Variants in PDGFC observed in about 807,000 individuals in gnomAD.
PDGFC encodes the protein platelet derived growth factor C, also known as platelet-derived growth factor C.
Under a neutral mutation model 35.5 loss-of-function variants are expected in PDGFC, and 12 were observed. That is an observed-to-expected ratio of 0.34 (90% CI 0.22 to 0.55). The LOEUF (loss-of-function observed/expected upper bound fraction) is 0.55, where lower values mean the gene tolerates loss of function less well. Ranked by LOEUF, PDGFC falls within the 20% of genes least tolerant of loss-of-function variation. The pLI, the probability that PDGFC is intolerant of heterozygous loss-of-function variation, is 0.91. For missense variants in PDGFC, 322 were observed against 412.4 expected, an observed-to-expected ratio of 0.78 and a Z score of 1.90; for synonymous variants, 159 against 148.8, an observed-to-expected ratio of 1.07 and a Z score of -0.50.
intron 2 of PDGFC, among the ~76,000 whole-genome samples, chr4:156,814,346 A>C (rs1028266145): frequency 6.6e-6 from 1 of 152,158 alleles, no homozygotes; most frequent in African/African-American, 2.4e-5. Flanking sequence ...GAGAAGGAGC[A>C]GTCAGGGAAA....
intron 2 of PDGFC, among the ~76,000 whole-genome samples, chr4:156,822,453 A>G (rs759747570): frequency 6.6e-6 from 1 of 152,100 alleles, no homozygotes; most frequent in African/African-American, 2.4e-5. Flanking sequence ...TGTATGAGGA[A>G]GCACATACAA....
chr4:156,871,765 T>A (rs1424376664), intron 1 of PDGFC, among the ~76,000 whole-genome samples: 1 of 152,068 alleles, frequency 6.6e-6, no homozygotes, highest in Non-Finnish European at 1.5e-5. Context: ...ATTGAGTCTA[T>A]GGATGACTTA....
chr4:156,781,589 C>G (rs1730980914), intron 3 of PDGFC, among the ~76,000 whole-genome samples: 1 of 152,128 alleles, frequency 6.6e-6, no homozygotes, highest in African/African-American at 2.4e-5. Context: ...ACCTGCCATT[C>G]ATCCCTCCCA....
chr4:156,816,623 A>G (rs189363970), intron 2 of PDGFC, among the ~76,000 whole-genome samples: 6 of 152,312 alleles, frequency 3.9e-5, no homozygotes, highest in African/African-American at 9.6e-5. Flanking sequence ...TAGTTACAAA[A>G]TATAGAAAAG....
chr4:156,921,764 C>A lies in PDGFC; in HGVS notation c.118+49022G>T, dbSNP rs1731287793. ...TTGTATAAACGAAGAAAAGTGATGT[C>A]CAAACAAACACAGATAACTGTTTCT... On this transcript the variant is annotated intron_variant, in intron 1 of 5. Coordinates refer to ENST00000502773, the MANE Select transcript of PDGFC (RefSeq NM_016205.3). Among the ~76,000 whole-genome samples, 11 of 152,156 alleles carry A rather than the reference C, an allele frequency of 7.2e-5. No individual in the cohort carries two copies. The South Asian group carries it at 2.3e-3, about 32-fold the overall frequency.
At chr4:156,893,574 T>G (rs544729863) in intron 1 of PDGFC, among the ~76,000 whole-genome samples, 2 of 151,916 alleles carry the variant, frequency 1.3e-5, no homozygotes, top group South Asian at 4.2e-4. Flanking sequence ...TGGCCTCGAG[T>G]GATCCTCCTA....
At chr4:156,787,284 C>T (rs763202085) in intron 3 of PDGFC, among the ~76,000 whole-genome samples, 28 of 152,084 alleles carry the variant, frequency 1.8e-4, no homozygotes, top group Non-Finnish European at 3.1e-4. Context: ...GATCTGGATA[C>T]CAGTGTCAAA....
At chr4:156,936,111 T>C (rs1251250482) in intron 1 of PDGFC, among the ~76,000 whole-genome samples, 4 of 152,216 alleles carry the variant, frequency 2.6e-5, no homozygotes, top group Non-Finnish European at 5.9e-5. Context: ...CAGAAAATAC[T>C]AAAAACACCT....
intron 2 of PDGFC, among the ~76,000 whole-genome samples, chr4:156,835,000 A>G (rs1729029299): frequency 6.6e-6 from 1 of 152,152 alleles, no homozygotes; most frequent in Non-Finnish European, 1.5e-5. Flanking sequence ...TAATTTTTAA[A>G]AAGATTCTCA....
chr4:156,942,533 T>A (rs1266703107), intron 1 of PDGFC, among the ~76,000 whole-genome samples: 3 of 151,794 alleles, frequency 2.0e-5, no homozygotes, highest in Non-Finnish European at 4.4e-5. Flanking sequence ...TTTGTGTCAA[T>A]AACCATGCCC....
intron 1 of PDGFC, among the ~76,000 whole-genome samples, chr4:156,852,517 T>A (rs898523537): frequency 6.6e-6 from 1 of 152,210 alleles, no homozygotes; most frequent in African/African-American, 2.4e-5. Flanking sequence ...TTAAAGTCTG[T>A]ATCTTCTTTT....
At chr4:156,928,286 T>C (rs547802984) in intron 1 of PDGFC, among the ~76,000 whole-genome samples, 1 of 152,232 alleles carries the variant, frequency 6.6e-6, no homozygotes, top group East Asian at 1.9e-4. Context: ...GAGATGGGTC[T>C]TGCTATGTTG....
chr4:156,866,986 A>C (rs1417960221), intron 1 of PDGFC, among the ~76,000 whole-genome samples: 2 of 152,174 alleles, frequency 1.3e-5, no homozygotes, highest in Non-Finnish European at 1.5e-5. Context: ...GGAATGGAGA[A>C]GACAGTTAAT....
chr4:156,970,932 C>G lies in PDGFC; in HGVS notation c.-29G>C. Reference sequence around the variant, plus strand: ...GCTGACTGGGGTGAGAGCTCACTCACGGCGGGCACTTTGGAAGCAGCGACT... The same window carrying G: ...GCTGACTGGGGTGAGAGCTCACTCAGGGCGGGCACTTTGGAAGCAGCGACT... On this transcript the variant is annotated 5_prime_UTR_variant, in exon 1 of 6. Coordinates refer to ENST00000502773, the MANE Select transcript of PDGFC (RefSeq NM_016205.3). 4.8e-6 allele frequency: 7 copies of G among 1,465,036 alleles called. No homozygotes were observed. The highest frequency in any genetic ancestry group is 1.1e-5 in the South Asian group (1 of 87,816). The allele number at this position is 1,465,036 out of a possible 1,614,324, so 90.8% of individuals were successfully genotyped here. A position where few individuals can be genotyped will look rare whatever the true frequency, so the allele number is the denominator to read the frequency against.
intron 1 of PDGFC, among the ~76,000 whole-genome samples, chr4:156,926,217 T>C (rs1731409696): frequency 6.6e-6 from 1 of 152,156 alleles, no homozygotes. Flanking sequence ...ATTTACTGCA[T>C]TACACTGGAA....
At chr4:156,835,589 C>T (rs1227495585) in intron 2 of PDGFC, among the ~76,000 whole-genome samples, 1 of 152,102 alleles carries the variant, frequency 6.6e-6, no homozygotes, top group Non-Finnish European at 1.5e-5. Context: ...TTTCTTTTAA[C>T]CCAATAACCC....
intron 2 of PDGFC, among the ~76,000 whole-genome samples, chr4:156,849,657 C>T (rs545383690): frequency 8.3e-4 from 126 of 152,116 alleles, no homozygotes; most frequent in African/African-American, 2.9e-3. Context: ...ATAATTATGA[C>T]GAATTCCTAC....
intron 1 of PDGFC, among the ~76,000 whole-genome samples, chr4:156,928,813 ATT>A (rs1431142776): frequency 6.6e-6 from 1 of 152,218 alleles, no homozygotes; most frequent in East Asian, 1.9e-4. Flanking sequence ...CTTACAAGAG[ATT>A]CCACTTTTTC....
At chr4:156,914,241 A>G (rs1162334962) in intron 1 of PDGFC, among the ~76,000 whole-genome samples, 4 of 152,094 alleles carry the variant, frequency 2.6e-5, no homozygotes, top group African/African-American at 9.7e-5. Context: ...GGGAGATCTC[A>G]GAAGCTTCTA....
Sources: gnomAD v4.1 joint callset for allele counts (sites outside exome capture counted in the v4.1 genomes callset) on GRCh38, gnomAD v4.1.1 for gene constraint, MANE v1.5 for transcripts, NCBI Gene and HGNC (gene_info 2026-07-23, HGNC 2026-07-21) for gene names.